The following PDCL3 variants were observed in gnomAD, a reference collection of about 807,000 sequenced individuals.
The protein encoded by PDCL3 is phosducin like 3.
In PDCL3, 22 loss-of-function variants were observed where a neutral mutation model predicts 26.5. The observed-to-expected ratio is 0.83, with a 90% CI of 0.59 to 1.19. The LOEUF (loss-of-function observed/expected upper bound fraction) is 1.19, where lower values mean the gene tolerates loss of function less well. Among genes scored for constraint, PDCL3 ranks in the 50% most tolerant of loss-of-function variants. PDCL3 has a pLI of 0.00. For synonymous variants in PDCL3, 81 were observed against 104.9 expected (o/e 0.77, Z 1.39); for missense variants, 246 against 294.1 (o/e 0.84, Z 1.20).
Position 100,576,508 on chromosome 2 carries a change from C to G in PDCL3, c.*12C>G. On this transcript the variant is annotated 3_prime_UTR_variant, in exon 6 of 6. Coordinates refer to ENST00000264254, the MANE Select transcript of PDCL3 (RefSeq NM_024065.5). The stretch of plus-strand genomic sequence containing the variant: ...CCGAGGGTGACTGAGGCTACAGCTT[C>G]TATCACATGCCGAACTTTCTTGTGA... 1 of 1,556,014 alleles carries G rather than the reference C, an allele frequency of 6.4e-7. No individual in the cohort carries two copies. Among genetic ancestry groups the G allele is most frequent in the Non-Finnish European group, 8.7e-7 (1 of 1,149,346 alleles).
At chr2:100,572,549 C>CT (rs2104396376) in intron 5 of PDCL3, among the ~76,000 whole-genome samples, 1 of 147,588 alleles carries the variant, frequency 6.8e-6, no homozygotes, top group East Asian at 2.0e-4. Flanking sequence ...CAGAGTTTCA[C>CT]TCTTCTTGCC....
At chr2:100,573,998 G>A (rs749391181) in intron 5 of PDCL3, among the ~76,000 whole-genome samples, 1 of 148,058 alleles carries the variant, frequency 6.8e-6, no homozygotes, top group African/African-American at 2.6e-5. Context: ...TATAGAGAGA[G>A]ATATATATAT....
intron 1 of PDCL3, among the ~76,000 whole-genome samples, chr2:100,566,257 C>T (rs1264581755): frequency 1.3e-5 from 2 of 152,136 alleles, no homozygotes; most frequent in Non-Finnish European, 2.9e-5. Context: ...CCTTGGTATC[C>T]GTATTGATAC....
intron 5 of PDCL3, among the ~76,000 whole-genome samples, chr2:100,575,750 T>A (rs1675274256): frequency 6.6e-6 from 1 of 152,168 alleles, no homozygotes. Context: ...TTGACCCCAA[T>A]AGATTGAGAT....
At chr2:100,564,941 A>G (rs1334721898) in intron 1 of PDCL3, among the ~76,000 whole-genome samples, 1 of 152,108 alleles carries the variant, frequency 6.6e-6, no homozygotes, top group African/African-American at 2.4e-5. Flanking sequence ...AGTGCCCTGT[A>G]TTTTATGAGC....
chr2:100,569,548 G>A (rs749236036), intron 3 of PDCL3, 30 bp from the exon 4 acceptor site: 6 of 1,610,318 alleles, frequency 3.7e-6, no homozygotes, highest in South Asian at 1.1e-5. Flanking sequence ...TGTTTGTGAC[G>A]TAAGATGTTT....
At chr2:100,572,384 G>C (rs1558698467) in intron 5 of PDCL3, among the ~76,000 whole-genome samples, 1 of 151,386 alleles carries the variant, frequency 6.6e-6, no homozygotes, top group Non-Finnish European at 1.5e-5. Flanking sequence ...GCTAATTTTT[G>C]TATTTTTAGT....
At chr2:100,572,756 T>C (rs1369481190) in intron 5 of PDCL3, among the ~76,000 whole-genome samples, 1 of 151,558 alleles carries the variant, frequency 6.6e-6, no homozygotes, top group Non-Finnish European at 1.5e-5. Flanking sequence ...TGACCTCAGG[T>C]GATCCACCCG....
chr2:100,569,497 C>A, intron 3 of PDCL3, 81 bp from the exon 4 acceptor site: 2 of 1,482,664 alleles, frequency 1.3e-6, no homozygotes, highest in Non-Finnish European at 1.8e-6. Context: ...TAAACCTGGG[C>A]TTTTACAAGG....
intron 1 of PDCL3, 83 bp from the exon 2 acceptor site, chr2:100,566,420 T>G: frequency 6.7e-7 from 1 of 1,497,658 alleles, no homozygotes; most frequent in South Asian, 1.3e-5. Context: ...TTCCTGTCAC[T>G]TTTCCCATTT....
At chr2:100,571,126 A>AAACAACAAAAAAAAAAAAAAAC (rs1409370341) in intron 4 of PDCL3, among the ~76,000 whole-genome samples, 1 of 142,658 alleles carries the variant, frequency 7.0e-6, no homozygotes, top group African/African-American at 2.7e-5. Context: ...AAAAAAAAAA[A>AAACAACAAAAAAAAAAAAAAAC]AAAAAATCAG....
intron 5 of PDCL3, among the ~76,000 whole-genome samples, chr2:100,573,215 T>C (rs1488475651): frequency 6.6e-6 from 1 of 152,062 alleles, no homozygotes; most frequent in African/African-American, 2.4e-5. Context: ...CTGTTAAACA[T>C]GGAGGTATCA....
At chr2:100,566,008 A>G (rs1471345825) in intron 1 of PDCL3, among the ~76,000 whole-genome samples, 1 of 152,038 alleles carries the variant, frequency 6.6e-6, no homozygotes, top group East Asian at 1.9e-4. Flanking sequence ...GGTTTATGCC[A>G]TTCTCCTGCC....
chr2:100,575,931 G>T (rs191547287), intron 5 of PDCL3, among the ~76,000 whole-genome samples: 1 of 152,240 alleles, frequency 6.6e-6, no homozygotes, highest in Admixed American at 6.5e-5. Flanking sequence ...GTCTCGCTCT[G>T]TCGTGTAGGC....
At chr2:100,572,594 T>G (rs1675200170) in intron 5 of PDCL3, among the ~76,000 whole-genome samples, 1 of 152,014 alleles carries the variant, frequency 6.6e-6, no homozygotes, top group Non-Finnish European at 1.5e-5. Flanking sequence ...CTCGGCTCAC[T>G]GCAACCTCTG....
chr2:100,565,062 T>C (rs1257842827), intron 1 of PDCL3, among the ~76,000 whole-genome samples: 1 of 152,238 alleles, frequency 6.6e-6, no homozygotes, highest in Non-Finnish European at 1.5e-5. Context: ...TCTTTGCTCT[T>C]GGGCAGTATG....
chr2:100,563,207 G>A, intron 1 of PDCL3, 134 bp downstream of exon 1: 1 of 1,154,694 alleles, frequency 8.7e-7, no homozygotes, highest in Non-Finnish European at 1.2e-6. Context: ...GCGCGTCCAG[G>A]CCCTGCGCAG....
intron 5 of PDCL3, among the ~76,000 whole-genome samples, chr2:100,573,272 C>T (rs1675213729): frequency 6.6e-6 from 1 of 152,180 alleles, no homozygotes; most frequent in Non-Finnish European, 1.5e-5. Flanking sequence ...AGCCCAGAGG[C>T]ATTCTTGCCA....
intron 1 of PDCL3, 108 bp downstream of exon 1, chr2:100,563,181 G>A: frequency 9.3e-6 from 13 of 1,393,330 alleles, no homozygotes; most frequent in Non-Finnish European, 1.3e-5. Flanking sequence ...GGCGCCGCAG[G>A]CACGAGGGAG....
Sources: allele counts gnomAD v4.1 joint callset (sites outside exome capture counted in the v4.1 genomes callset), GRCh38; gene constraint gnomAD v4.1.1; transcripts MANE v1.5; gene names NCBI Gene and HGNC (gene_info 2026-07-23, HGNC 2026-07-21).